Variants in COL13A1 observed in about 807,000 individuals in gnomAD.
COL13A1 encodes the protein collagen alpha-1(XIII) chain.
In COL13A1, 89 loss-of-function variants were observed where a neutral mutation model predicts 130.9. That is an observed-to-expected ratio of 0.68 (90% confidence interval 0.57 to 0.81). The LOEUF (loss-of-function observed/expected upper bound fraction) is 0.81, where lower values mean the gene tolerates loss of function less well. Ranked by LOEUF, COL13A1 falls within the 30% of genes least tolerant of loss-of-function variation. The pLI is 0.00. For synonymous variants in COL13A1, 402 were observed against 341.6 expected (o/e 1.18, Z -1.95); for missense variants, 879 against 934.6 (o/e 0.94, Z 0.78).
chr10:69,837,829 TC>T (rs1850512309), intron 2 of COL13A1, among the ~76,000 whole-genome samples: 1 of 152,198 alleles, frequency 6.6e-6, no homozygotes, highest in South Asian at 2.1e-4. Context: ...GATTTCATTA[TC>T]CAAAGGAAGC....
intron 14 of COL13A1, among the ~76,000 whole-genome samples, chr10:69,901,497 AGG>A (rs1268060862): frequency 2.0e-5 from 3 of 152,174 alleles, no homozygotes; most frequent in African/African-American, 7.2e-5. Flanking sequence ...GAGACCCCTC[AGG>A]TGTGTCATAG....
At chr10:69,901,685 T>C (rs774675176) in intron 14 of COL13A1, among the ~76,000 whole-genome samples, 6 of 152,138 alleles carry the variant, frequency 3.9e-5, no homozygotes, top group Non-Finnish European at 8.8e-5. Context: ...AGAGGTCATT[T>C]AGAAAATAAC....
intron 38 of COL13A1, among the ~76,000 whole-genome samples, chr10:69,949,096 C>G (rs1208512484): frequency 6.6e-6 from 1 of 152,226 alleles, no homozygotes; most frequent in Non-Finnish European, 1.5e-5. Context: ...AACTCAAGGG[C>G]AGCTTGTCCT....
chr10:69,924,419 A>G (rs2065078355), intron 24 of COL13A1, among the ~76,000 whole-genome samples: 2 of 152,158 alleles, frequency 1.3e-5, no homozygotes, highest in Non-Finnish European at 2.9e-5. Flanking sequence ...TGCAACAGGA[A>G]CAAATCCTTC....
At chr10:69,829,108 G>A (rs1408126382) in intron 2 of COL13A1, 1 of 393,942 alleles carries the variant, frequency 2.5e-6, no homozygotes, top group African/African-American at 2.2e-5. Context: ...ACCTCTCCCA[G>A]CATCTAAGCC....
chr10:69,929,733 C>T (rs566771431), intron 28 of COL13A1, among the ~76,000 whole-genome samples: 48 of 152,178 alleles, frequency 3.2e-4, no homozygotes, highest in Non-Finnish European at 6.6e-4. Flanking sequence ...GCCAAGGGCG[C>T]CTAGGGCTCC....
chr10:69,855,478 CATATT>C (rs1315765083), intron 2 of COL13A1, among the ~76,000 whole-genome samples: 5 of 152,176 alleles, frequency 3.3e-5, no homozygotes, highest in South Asian at 2.1e-4. Flanking sequence ...GAACTAATAA[CATATT>C]ATAATAACAC....
chr10:69,922,240 A>G (rs1177535285), intron 22 of COL13A1, among the ~76,000 whole-genome samples: 1 of 126,000 alleles, frequency 7.9e-6, no homozygotes, highest in Non-Finnish European at 1.7e-5. Context: ...TTTAAAAATT[A>G]AAAAAAAAAA....
chr10:69,934,310 A>C (rs1184672331), intron 31 of COL13A1, among the ~76,000 whole-genome samples: 1 of 152,268 alleles, frequency 6.6e-6, no homozygotes. Context: ...TATAATAAGA[A>C]TTAAAATGGT....
intron 40 of COL13A1, among the ~76,000 whole-genome samples, chr10:69,957,559 C>T (rs184060965): frequency 6.6e-6 from 1 of 152,366 alleles, no homozygotes; most frequent in East Asian, 1.9e-4. Flanking sequence ...CAAATCTCTC[C>T]TGGGCTCCCA....
intron 38 of COL13A1, 128 bp from the exon 39 acceptor site, chr10:69,952,754 A>T: frequency 1.5e-6 from 1 of 651,444 alleles, no homozygotes; most frequent in Non-Finnish European, 2.5e-6. Context: ...TACTGGGGAG[A>T]ATATCCTAAT....
In COL13A1 at chr10:69,880,495, C is replaced by T; in HGVS notation, c.463-8C>T. On this transcript the variant is annotated splice_region_variant and splice_polypyrimidine_tract_variant and intron_variant, in intron 6 of 40. Transcript: ENST00000645393. The stretch of plus-strand genomic sequence containing the variant: ...TCGCTCCCTCTCCCCCTTCCTCTCT[C>T]CCCGCAGGGGTCCCCCGGAGACGCT... 1 of 1,594,734 alleles carries T rather than the reference C, an allele frequency of 6.3e-7. No individual in the cohort carries two copies. The highest frequency in any genetic ancestry group is 8.6e-7 in the Non-Finnish European group (1 of 1,162,628).
Position 69,917,278 on chromosome 10 carries a change from T to A in COL13A1, c.922-11T>A. 1.9e-6 allele frequency: 3 copies of A among 1,613,678 alleles called. No individual in the cohort carries two copies. The highest frequency in any genetic ancestry group is 2.5e-6 in the Non-Finnish European group (3 of 1,179,740). ...GGTCCTCTCCTCATGCTTTCTCATTTCTTCCTCCAGGGAGAACGGGGCATG... is the reference window on the plus strand; with the variant it reads ...GGTCCTCTCCTCATGCTTTCTCATTACTTCCTCCAGGGAGAACGGGGCATG... On this transcript the variant is annotated splice_polypyrimidine_tract_variant and intron_variant, in intron 17 of 40. Transcript: ENST00000645393.
intron 2 of COL13A1, among the ~76,000 whole-genome samples, chr10:69,853,977 T>A (rs572428360): frequency 6.6e-6 from 1 of 152,290 alleles, no homozygotes; most frequent in South Asian, 2.1e-4. Flanking sequence ...GTTTGAACAA[T>A]AAATATATGT....
intron 1 of COL13A1, among the ~76,000 whole-genome samples, chr10:69,820,602 G>T (rs1349871069): frequency 6.6e-6 from 1 of 152,178 alleles, no homozygotes; most frequent in Non-Finnish European, 1.5e-5. Context: ...TGTTTGCCCA[G>T]CGGCCGCTCT....
At chr10:69,827,479 T>C (rs979755840) in intron 2 of COL13A1, among the ~76,000 whole-genome samples, 13 of 152,196 alleles carry the variant, frequency 8.5e-5, no homozygotes, top group Non-Finnish European at 1.5e-4. Context: ...CTGCCCTGGC[T>C]GTGCTGTCCT....
At chr10:69,942,849 G>C (rs1360939466) in intron 35 of COL13A1, among the ~76,000 whole-genome samples, 1 of 152,162 alleles carries the variant, frequency 6.6e-6, no homozygotes, top group African/African-American at 2.4e-5. Flanking sequence ...GGCCCGAGCT[G>C]ACTCCTTATT....
At chr10:69,837,909 A>C (rs575268506) in intron 2 of COL13A1, among the ~76,000 whole-genome samples, 1 of 152,322 alleles carries the variant, frequency 6.6e-6, no homozygotes, top group East Asian at 1.9e-4. Flanking sequence ...TCCTCAGAGC[A>C]TTTGCCCACC....
In COL13A1 at chr10:69,947,346, A is replaced by G; in HGVS notation, c.2058+4A>G. The G allele has an allele frequency of 6.2e-7, 1 of 1,610,432 alleles. No homozygotes were observed. The highest frequency in any genetic ancestry group is 8.5e-7 in the Non-Finnish European group (1 of 1,177,682). ...ACCCGGGGACAAGGGAAACCGGGTG[A>G]GTCTGAGCCCCTGCACTCGTGCTCT... is the stretch of plus-strand genomic sequence containing the variant. On this transcript the variant is annotated splice_donor_region_variant and intron_variant, in intron 38 of 40. Coordinates refer to ENST00000645393, the MANE Select transcript of COL13A1 (RefSeq NM_001368882.1).
Sources: allele counts gnomAD v4.1 joint callset (sites outside exome capture counted in the v4.1 genomes callset), GRCh38; gene constraint gnomAD v4.1.1; transcripts MANE v1.5; gene names NCBI Gene and HGNC (gene_info 2026-07-23, HGNC 2026-07-21).